Variants in PCYT1A observed in about 807,000 individuals in gnomAD.
PCYT1A encodes phosphate cytidylyltransferase 1A, choline, also known as choline-phosphate cytidylyltransferase A.
PCYT1A carries 25 observed loss-of-function variants against 43.7 expected under a neutral mutation model. The observed-to-expected ratio is 0.57, with a 90% CI of 0.42 to 0.80. PCYT1A has a LOEUF of 0.80. Ranked by LOEUF, PCYT1A falls within the 30% of genes least tolerant of loss-of-function variation. PCYT1A has a pLI of 0.00. For synonymous variants in PCYT1A, 172 were observed against 170.7 expected (o/e 1.01, Z -0.06); for missense variants, 421 against 474.2 (o/e 0.89, Z 1.04).
At chr3:196,266,937 G>A (rs541274150) in intron 2 of PCYT1A, among the ~76,000 whole-genome samples, 7 of 152,064 alleles carry the variant, frequency 4.6e-5, no homozygotes, top group South Asian at 4.2e-4. Flanking sequence ...TTGGGAGGCC[G>A]AGGCGGGCGG....
intron 3 of PCYT1A, among the ~76,000 whole-genome samples, chr3:196,249,006 C>T (rs554482738): frequency 2.7e-4 from 40 of 148,832 alleles, no homozygotes; most frequent in African/African-American, 8.1e-4. Flanking sequence ...GTGATCCACC[C>T]GCCTAAGCCT....
At chr3:196,262,751 T>C (rs576769406) in intron 2 of PCYT1A, among the ~76,000 whole-genome samples, 1 of 152,016 alleles carries the variant, frequency 6.6e-6, no homozygotes, top group South Asian at 2.1e-4. Context: ...AACTTGATAT[T>C]GTCTTCCCAG....
chr3:196,258,749 C>G (rs1426589981), intron 2 of PCYT1A, among the ~76,000 whole-genome samples: 1 of 151,814 alleles, frequency 6.6e-6, no homozygotes, highest in East Asian at 1.9e-4. Flanking sequence ...TACCCGACAC[C>G]CAGCTGATTT....
intron 3 of PCYT1A, among the ~76,000 whole-genome samples, chr3:196,256,789 C>T (rs1191386110): frequency 1.3e-5 from 2 of 152,120 alleles, no homozygotes; most frequent in Admixed American, 6.6e-5. Context: ...ATGATCTGCC[C>T]GCCTTGGTGT....
rs1724395022 is a variant in PCYT1A at position 196,242,699 on chromosome 3, C to T, written c.487-59G>A. On this transcript the variant is annotated intron_variant, in intron 5 of 8. Coordinates refer to ENST00000431016, the MANE Select transcript of PCYT1A (RefSeq NM_001312673.2). The surrounding 1 kb of genome is among the most constrained non-coding windows in gnomAD (Gnocchi z 4.2). ...TAACTGCCATTCAGAAAGACCCAGT[C>T]AATGTTCTCAGGCCCAGAAAAAGGA... The T allele has an allele frequency of 1.5e-5, 17 of 1,137,038 alleles. No individual in the cohort carries two copies. Among genetic ancestry groups the T allele is most frequent in the Non-Finnish European group, 2.1e-5 (16 of 745,256 alleles). The allele number at this position is 1,137,038 out of a possible 1,614,324, so 70.4% of individuals were successfully genotyped here. A position where few individuals can be genotyped will look rare whatever the true frequency, so the allele number is the denominator to read the frequency against.
In PCYT1A at chr3:196,252,001, C is replaced by T. The variant is rs1308382178; in HGVS notation, c.218-3678G>A. 6.6e-6 allele frequency among the ~76,000 whole-genome samples: 1 copy of T among 152,162 alleles called. No homozygotes were observed. The highest frequency in any genetic ancestry group is 1.5e-5 in the Non-Finnish European group (1 of 68,022). On this transcript the variant is annotated intron_variant, in intron 3 of 8. Coordinates refer to ENST00000431016, the MANE Select transcript of PCYT1A (RefSeq NM_001312673.2). This position sits in a 1 kb window ranked among gnomAD's most constrained non-coding sequence, Gnocchi z 4.0. ...CTCAGATCACTGAAACCTCCACCTCCCAGGCTCAAATGATCCTCCCGCCTC... is the reference window on the plus strand; with the variant it reads ...CTCAGATCACTGAAACCTCCACCTCTCAGGCTCAAATGATCCTCCCGCCTC...
intron 1 of PCYT1A, among the ~76,000 whole-genome samples, chr3:196,285,053 A>G (rs1243600025): frequency 6.6e-6 from 1 of 152,170 alleles, no homozygotes; most frequent in African/African-American, 2.4e-5. Flanking sequence ...CCTATTACAG[A>G]GTGTAGGGGG....
Position 196,238,444 on chromosome 3 carries a change from T to TGC in PCYT1A, c.*243_*244insGC. On this transcript the variant is annotated 3_prime_UTR_variant, in exon 9 of 9. Coordinates refer to ENST00000431016, the MANE Select transcript of PCYT1A (RefSeq NM_001312673.2). ...AACATAAACAGTGAAACAAAGCCCT[T>TGC]GGGGGGGGGTAAATGGATGCAGAGC... 3.1e-6 allele frequency: 1 copy of TGC among 327,426 alleles called. No homozygotes were observed. The highest frequency in any genetic ancestry group is 2.1e-5 in the African/African-American group (1 of 46,518). 20.3% of individuals were successfully genotyped at this position (327,426 alleles called of 1,614,324 possible). A position where few individuals can be genotyped will look rare whatever the true frequency, so the allele number is the denominator to read the frequency against.
intron 5 of PCYT1A, among the ~76,000 whole-genome samples, chr3:196,245,018 C>A (rs551595268): frequency 6.6e-6 from 1 of 152,284 alleles, no homozygotes; most frequent in South Asian, 2.1e-4. Context: ...TATCTGCTGA[C>A]CTTCCGTCCA....
At chr3:196,241,397 A>G in intron 7 of PCYT1A, 1 of 551,922 alleles carries the variant, frequency 1.8e-6, no homozygotes, top group Non-Finnish European at 2.9e-6. Context: ...TGTTGCCCCC[A>G]GACTGGTCTC....
chr3:196,258,011 A>G, intron 2 of PCYT1A, 124 bp from the exon 3 acceptor site: 1 of 583,020 alleles, frequency 1.7e-6, no homozygotes, highest in Non-Finnish European at 3.0e-6. Flanking sequence ...CGTTTAAGAG[A>G]TTTCGTTATT....
At chr3:196,275,550 T>C (rs1725561283) in intron 1 of PCYT1A, among the ~76,000 whole-genome samples, 1 of 151,398 alleles carries the variant, frequency 6.6e-6, no homozygotes, top group Non-Finnish European at 1.5e-5. Flanking sequence ...CTGGCCAACA[T>C]GGTGAAACCC....
intron 1 of PCYT1A, among the ~76,000 whole-genome samples, chr3:196,280,567 A>ATTTTTTTT (rs1725735210): frequency 4.9e-5 from 2 of 40,844 alleles, no homozygotes; most frequent in African/African-American, 9.0e-5. Flanking sequence ...TGGTATTTTT[A>ATTTTTTTT]TTGTTTTTTT....
chr3:196,254,114 C>T (rs1724885990), intron 3 of PCYT1A, among the ~76,000 whole-genome samples: 1 of 150,922 alleles, frequency 6.6e-6, no homozygotes, highest in East Asian at 1.9e-4. Flanking sequence ...GCAACCTCTG[C>T]CTCCCAGGCT....
At chr3:196,275,620 C>G (rs1009000415) in intron 1 of PCYT1A, among the ~76,000 whole-genome samples, 3 of 152,006 alleles carry the variant, frequency 2.0e-5, no homozygotes, top group Admixed American at 2.0e-4. Context: ...GTAATCCCAG[C>G]TACTCGGGAG....
At position 196,242,038 on chromosome 3, in the gene PCYT1A, G is replaced by A. The variant is rs1352704579; in HGVS notation, c.618C>T (p.Ile206=). The A allele has an allele frequency of 1.2e-6, 2 of 1,613,930 alleles. No individual in the cohort carries two copies. The highest frequency in any genetic ancestry group is 1.7e-6 in the Non-Finnish European group (2 of 1,179,914). ...CATCATAATCCCGCACAATTCGGGT[G>A]ATGATGTCTGATGTGGAGATACCTT... ...RTEGISTSDI[I]TRIVRDYDVY... Residue 206 remains isoleucine, a synonymous_variant, in exon 7 of 9, where the codon ATC becomes ATT. Transcript: ENST00000431016. The surrounding 1 kb of genome is among the most constrained non-coding windows in gnomAD (Gnocchi z 4.2).
Position 196,252,136 on chromosome 3 carries a change from A to G in PCYT1A, c.218-3813T>C, listed in dbSNP as rs1457071526. On this transcript the variant is annotated intron_variant, in intron 3 of 8. Coordinates refer to ENST00000431016, the MANE Select transcript of PCYT1A (RefSeq NM_001312673.2). This position sits in a 1 kb window ranked among gnomAD's most constrained non-coding sequence, Gnocchi z 4.0. Reference sequence around the variant, plus strand: ...CGCACCCCGCCACGCCCCACTGGCTACAGTGCACACCGCCACGCCCCACTG... The same window carrying G: ...CGCACCCCGCCACGCCCCACTGGCTGCAGTGCACACCGCCACGCCCCACTG... Among the ~76,000 whole-genome samples, 1 of 151,496 alleles carries G rather than the reference A, an allele frequency of 6.6e-6. No individual in the cohort carries two copies. The highest frequency in any genetic ancestry group is 1.9e-4 in the East Asian group (1 of 5,184).
Position 196,252,755 on chromosome 3 carries a change from C to CAGT in PCYT1A, c.218-4435_218-4433dup, listed in dbSNP as rs1724840787. ...TCTATGAGAGAAAGCAGGCTGGGTA[C>CAGT]AGTAGCTCACACCTGTAATTCCAGC... On this transcript the variant is annotated intron_variant, in intron 3 of 8. Coordinates refer to ENST00000431016, the MANE Select transcript of PCYT1A (RefSeq NM_001312673.2). This position sits in a 1 kb window ranked among gnomAD's most constrained non-coding sequence, Gnocchi z 4.0. 6.6e-6 allele frequency among the ~76,000 whole-genome samples: 1 copy of CAGT among 152,058 alleles called. No homozygotes were observed. The highest frequency in any genetic ancestry group is 2.1e-4 in the South Asian group (1 of 4,826).
chr3:196,250,999 G>A (rs1724754813), intron 3 of PCYT1A, among the ~76,000 whole-genome samples: 1 of 151,408 alleles, frequency 6.6e-6, no homozygotes, highest in Non-Finnish European at 1.5e-5. Flanking sequence ...TGCTGAGGCT[G>A]AGGACCAGAT....
Sources: gnomAD v4.1 joint callset for allele counts (sites outside exome capture counted in the v4.1 genomes callset) on GRCh38, gnomAD v4.1.1 for gene constraint, Gnocchi (gnomAD v3.1) non-coding constraint, MANE v1.5 for transcripts, NCBI Gene and HGNC (gene_info 2026-07-23, HGNC 2026-07-21) for gene names.